Variants in CMIP observed in about 807,000 individuals in gnomAD.
The protein encoded by CMIP is C-Maf-inducing protein.
CMIP carries 13 observed loss-of-function variants against 97.3 expected under a neutral mutation model. The observed-to-expected ratio is 0.13, with a 90% CI of 0.09 to 0.21. The LOEUF is 0.21. CMIP is among the 10% of genes least tolerant of loss of function. The pLI is 1.00. For missense variants in CMIP, 847 were observed against 1,024.9 expected, an observed-to-expected ratio of 0.83 and a Z score of 2.37; for synonymous variants, 538 against 436.3, an observed-to-expected ratio of 1.23 and a Z score of -2.91.
chr16:81,480,941 G>C (rs1908223039), intron 1 of CMIP, among the ~76,000 whole-genome samples: 1 of 152,172 alleles, frequency 6.6e-6, no homozygotes, highest in Non-Finnish European at 1.5e-5. Flanking sequence ...CCAAAGTTGA[G>C]GCTGAATGCA....
At position 81,563,381 on chromosome 16, in the gene CMIP, G is replaced by A. The variant is rs3865192; in HGVS notation, c.301-44186G>A. The stretch of plus-strand genomic sequence containing the variant: ...ACTCCAGGCAAGTCACAAACTCTGC[G>A]CGCTGCTGCGGTTTCCTTCCTGGTA... On this transcript the variant is annotated intron_variant, in intron 1 of 20. Coordinates refer to ENST00000537098, the MANE Select transcript of CMIP (RefSeq NM_198390.3). 2.6e-5 allele frequency among the ~76,000 whole-genome samples: 4 copies of A among 152,308 alleles called. No individual in the cohort carries two copies. The East Asian group carries it at 5.8e-4, about 22-fold the overall frequency.
At chr16:81,628,915 C>T (rs1383453957) in intron 3 of CMIP, among the ~76,000 whole-genome samples, 1 of 151,908 alleles carries the variant, frequency 6.6e-6, no homozygotes, top group East Asian at 1.9e-4. Context: ...GCGGGAGGAT[C>T]ACTTGAGGTC....
chr16:81,488,755 C>CT (rs1211522643), intron 1 of CMIP, among the ~76,000 whole-genome samples: 2 of 152,168 alleles, frequency 1.3e-5, no homozygotes, highest in African/African-American at 4.8e-5. Flanking sequence ...TTCGGGAACT[C>CT]TCCCCACAGC....
At chr16:81,570,862 G>A (rs571828490) in intron 1 of CMIP, among the ~76,000 whole-genome samples, 2 of 152,088 alleles carry the variant, frequency 1.3e-5, no homozygotes, top group South Asian at 2.1e-4. Flanking sequence ...TGTGTCCCAG[G>A]TGCGTGACTG....
intron 1 of CMIP, among the ~76,000 whole-genome samples, chr16:81,516,139 C>T (rs890025666): frequency 2.6e-5 from 4 of 152,168 alleles, no homozygotes; most frequent in African/African-American, 7.2e-5. Flanking sequence ...GTTGGAGTCT[C>T]TCAGTTCCAG....
intron 19 of CMIP, 39 bp from the exon 20 acceptor site, chr16:81,706,975 G>A (rs375564844): frequency 8.3e-5 from 132 of 1,585,258 alleles, no homozygotes; most frequent in Non-Finnish European, 1.1e-4. Context: ...TACCTTTGGG[G>A]CCTCGCTCTC....
intron 11 of CMIP, among the ~76,000 whole-genome samples, chr16:81,692,733 C>T (rs1057083322): frequency 6.6e-6 from 1 of 152,188 alleles, no homozygotes; most frequent in African/African-American, 2.4e-5. Context: ...TAGGCCTGGG[C>T]GCTCTTGGCT....
intron 1 of CMIP, among the ~76,000 whole-genome samples, chr16:81,581,943 C>T (rs372881144): frequency 1.1e-3 from 162 of 152,278 alleles, no homozygotes; most frequent in African/African-American, 3.8e-3. Flanking sequence ...AATGGGCTCA[C>T]GGTTCTGCAG....
chr16:81,699,831 GTGGC>G (rs1567672378), intron 15 of CMIP, 30 bp downstream of exon 15: 1 of 1,486,776 alleles, frequency 6.7e-7, no homozygotes, highest in East Asian at 2.3e-5. Flanking sequence ...CCCTGGTGGG[GTGGC>G]TGGCTCCCCG....
At chr16:81,464,328 A>G (rs1412086754) in intron 1 of CMIP, 1 of 152,254 alleles carries the variant, frequency 6.6e-6, no homozygotes, top group Non-Finnish European at 1.5e-5. Context: ...CAGGCTCCAC[A>G]TCTGGTCCGA....
chr16:81,646,535 A>G (rs1430503880), intron 3 of CMIP, among the ~76,000 whole-genome samples: 1 of 152,244 alleles, frequency 6.6e-6, no homozygotes. Context: ...TACACAATTC[A>G]GTGATCTTAG....
intron 8 of CMIP, 125 bp from the exon 9 acceptor site, chr16:81,671,841 C>T (rs977077747): frequency 8.8e-6 from 5 of 570,358 alleles, no homozygotes; most frequent in Middle Eastern, 4.7e-4. Context: ...CTCTCAGAGC[C>T]CCCCAAGTGG....
chr16:81,575,876 A>G (rs1013784572), intron 1 of CMIP, among the ~76,000 whole-genome samples: 1 of 152,190 alleles, frequency 6.6e-6, no homozygotes, highest in Non-Finnish European at 1.5e-5. Flanking sequence ...AAGTGTGGCT[A>G]TTTTAATTCC....
intron 3 of CMIP, among the ~76,000 whole-genome samples, chr16:81,622,879 T>C (rs1190356888): frequency 2.0e-5 from 3 of 152,196 alleles, no homozygotes; most frequent in Non-Finnish European, 4.4e-5. Context: ...GCTAGAAAGA[T>C]GATTTAAAAG....
intron 3 of CMIP, among the ~76,000 whole-genome samples, chr16:81,635,496 G>A (rs1037361936): frequency 2.0e-5 from 3 of 152,230 alleles, no homozygotes; most frequent in African/African-American, 7.2e-5. Context: ...CCCACCAGGT[G>A]TTAGGAGGGA....
At chr16:81,668,487 C>T (rs1378844536) in intron 7 of CMIP, among the ~76,000 whole-genome samples, 4 of 152,182 alleles carry the variant, frequency 2.6e-5, no homozygotes, top group Admixed American at 2.0e-4. Flanking sequence ...TGCCGTGGCC[C>T]CTGTCTTCCT....
chr16:81,576,411 G>A (rs1026150996), intron 1 of CMIP, among the ~76,000 whole-genome samples: 1 of 151,846 alleles, frequency 6.6e-6, no homozygotes, highest in African/African-American at 2.4e-5. Flanking sequence ...CTCAAAAAAC[G>A]GGGAAAAACA....
intron 1 of CMIP, among the ~76,000 whole-genome samples, chr16:81,532,297 G>A (rs1165502763): frequency 6.6e-6 from 1 of 152,248 alleles, no homozygotes; most frequent in African/African-American, 2.4e-5. Context: ...TTAGGTAGAA[G>A]TGTGTGTGCA....
intron 1 of CMIP, among the ~76,000 whole-genome samples, chr16:81,535,775 A>G (rs1172877719): frequency 3.3e-5 from 5 of 152,210 alleles, no homozygotes; most frequent in Admixed American, 1.3e-4. Context: ...CCCTCCCACC[A>G]TAAATTACCG....
Sources: allele counts gnomAD v4.1 joint callset (sites outside exome capture counted in the v4.1 genomes callset), GRCh38; gene constraint gnomAD v4.1.1; transcripts MANE v1.5; gene names NCBI Gene and HGNC (gene_info 2026-07-23, HGNC 2026-07-21).